PCDH11X: variants seen among roughly 807,000 people sequenced by gnomAD.
PCDH11X encodes protocadherin 11 X-linked.
A neutral mutation model predicts 53.3 loss-of-function variants in PCDH11X; 18 were observed. The observed-to-expected ratio is 0.34, with a 90% CI of 0.23 to 0.50. The LOEUF is 0.50. PCDH11X is among the 20% of genes least tolerant of loss of function. The pLI is 0.98. For missense variants in PCDH11X, 570 were observed against 1,032.4 expected (o/e 0.55, Z 6.14); for synonymous variants, 279 against 393.3 (o/e 0.71, Z 3.44).
At chrX:92,385,429 A>G (rs4893176) in intron 8 of PCDH11X, among the ~76,000 whole-genome samples, 21,166 of 105,024 alleles carry the variant, frequency 0.2, 1,571 homozygotes, top group Non-Finnish European at 0.23. Flanking sequence ...CAGTTACATT[A>G]TTTCCCTGAT....
At chrX:92,416,235 ATGAG>A (rs753265058) in intron 9 of PCDH11X, among the ~76,000 whole-genome samples, 6 of 110,732 alleles carry the variant, frequency 5.4e-5, no homozygotes, top group Non-Finnish European at 1.9e-5. Context: ...AATAGAAAGA[ATGAG>A]TAAGACCTAC....
intron 10 of PCDH11X, among the ~76,000 whole-genome samples, chrX:92,575,149 T>C (rs1215334575): frequency 9.0e-6 from 1 of 110,668 alleles, no homozygotes; most frequent in Non-Finnish European, 1.9e-5. Flanking sequence ...TTACTTAAAT[T>C]TGGGCATATG....
chrX:92,552,994 CGTGTGTGTGTGTGTGT>C (rs57655496), intron 10 of PCDH11X, among the ~76,000 whole-genome samples: 5 of 88,903 alleles, frequency 5.6e-5, no homozygotes, highest in East Asian at 3.7e-4. Context: ...CTGCAATTTT[CGTGTGTGTGTGTGTGT>C]GTGTGTGTGT....
chrX:92,122,597 G>A (rs1270452618), intron 6 of PCDH11X, among the ~76,000 whole-genome samples: 1 of 111,807 alleles, frequency 8.9e-6, no homozygotes, highest in Non-Finnish European at 1.9e-5. Flanking sequence ...AAGAATGAAG[G>A]CCAAGTGATA....
chrX:92,249,872 A>T (rs1340609505), intron 7 of PCDH11X, among the ~76,000 whole-genome samples: 2 of 111,386 alleles, frequency 1.8e-5, no homozygotes, highest in Non-Finnish European at 1.9e-5. Context: ...AAATACTCCT[A>T]ATTTCCTTAG....
intron 9 of PCDH11X, among the ~76,000 whole-genome samples, chrX:92,397,479 T>C (rs1055872186): frequency 3.6e-5 from 4 of 110,038 alleles, no homozygotes; most frequent in Non-Finnish European, 7.6e-5. Context: ...TTTTTTTTTT[T>C]TGGGTGGGGG....
At chrX:91,996,008 T>C (rs2062413192) in intron 6 of PCDH11X, among the ~76,000 whole-genome samples, 1 of 106,347 alleles carries the variant, frequency 9.4e-6, no homozygotes, top group Non-Finnish European at 1.9e-5. Context: ...GCCTGGCTAA[T>C]TTTTTGTATT....
At chrX:92,559,617 G>A (rs1382071350) in intron 10 of PCDH11X, among the ~76,000 whole-genome samples, 1 of 111,331 alleles carries the variant, frequency 9.0e-6, no homozygotes. Flanking sequence ...GAGGTCTTGT[G>A]GTGCAGAAAG....
intron 9 of PCDH11X, among the ~76,000 whole-genome samples, chrX:92,439,493 A>G (rs1460439131): frequency 1.8e-5 from 2 of 110,820 alleles, no homozygotes; most frequent in Non-Finnish European, 3.8e-5. Flanking sequence ...CAGCTTGCAT[A>G]TAGTACTAAA....
At chrX:91,940,362 A>T (rs1316625234) in intron 6 of PCDH11X, among the ~76,000 whole-genome samples, 1 of 111,636 alleles carries the variant, frequency 9.0e-6, no homozygotes, top group Non-Finnish European at 1.9e-5. Context: ...ACTGTATTAT[A>T]AAATAACTTA....
intron 6 of PCDH11X, among the ~76,000 whole-genome samples, chrX:92,094,870 A>C (rs2064109773): frequency 8.9e-6 from 1 of 112,101 alleles, no homozygotes; most frequent in Non-Finnish European, 1.9e-5. Flanking sequence ...GAGGTTTAGA[A>C]AAACATTAAC....
rs778036525 is a variant in PCDH11X, at chrX:92,031,882, A to C, written c.3033+152609A>C. 4.5e-5 allele frequency among the ~76,000 whole-genome samples: 5 copies of C among 111,798 alleles called. No homozygotes were observed. In the East Asian group the frequency reaches 1.1e-3, roughly 25 times the overall value. On this transcript the variant is annotated intron_variant, in intron 6 of 10. Coordinates refer to ENST00000682573, the MANE Select transcript of PCDH11X (RefSeq NM_032968.5). Reference sequence around the variant, plus strand: ...GTCAGTGCATGCCATTTTTGTTACTATAGCTCTGTAGTAAAATTTAAAGTC... The same window carrying C: ...GTCAGTGCATGCCATTTTTGTTACTCTAGCTCTGTAGTAAAATTTAAAGTC...
chrX:91,788,759 A>G (rs1935413480), intron 1 of PCDH11X, among the ~76,000 whole-genome samples: 1 of 111,646 alleles, frequency 9.0e-6, no homozygotes, highest in Non-Finnish European at 1.9e-5. Context: ...AGAGGGGAGG[A>G]GAAAGGAAAT....
chrX:92,314,240 T>C (rs773226669), intron 8 of PCDH11X, among the ~76,000 whole-genome samples: 23 of 111,988 alleles, frequency 2.1e-4, no homozygotes, highest in Non-Finnish European at 4.1e-4. Flanking sequence ...TTTTAAACTG[T>C]TTTGTTAAAA....
At chrX:91,959,148 G>A (rs2061750420) in intron 6 of PCDH11X, among the ~76,000 whole-genome samples, 1 of 106,142 alleles carries the variant, frequency 9.4e-6, no homozygotes, top group South Asian at 4.2e-4. Flanking sequence ...TATTTTTGGG[G>A]TATTTTTTAA....
At chrX:92,212,800 G>T (rs897343346) in intron 7 of PCDH11X, among the ~76,000 whole-genome samples, 2 of 112,193 alleles carry the variant, frequency 1.8e-5, no homozygotes, top group Non-Finnish European at 3.8e-5. Flanking sequence ...ATACTTTTAA[G>T]ATACTCACAC....
chrX:91,899,562 T>C (rs2147781857), intron 6 of PCDH11X, among the ~76,000 whole-genome samples: 1 of 102,333 alleles, frequency 9.8e-6, no homozygotes, highest in East Asian at 3.1e-4. Context: ...CTTGAACCCA[T>C]ATACATCTCC....
At chrX:92,229,021 C>A (rs978670125) in intron 7 of PCDH11X, among the ~76,000 whole-genome samples, 1 of 111,749 alleles carries the variant, frequency 8.9e-6, no homozygotes, top group Non-Finnish European at 1.9e-5. Context: ...AAAAGATTCA[C>A]ATTAAAAATC....
At chrX:92,464,918 G>A (rs1168368116) in intron 9 of PCDH11X, among the ~76,000 whole-genome samples, 3 of 111,546 alleles carry the variant, frequency 2.7e-5, no homozygotes, top group Non-Finnish European at 5.6e-5. Context: ...GCCATATCCT[G>A]TGACCTGCAG....
Sources: gnomAD v4.1 joint callset for allele counts (sites outside exome capture counted in the v4.1 genomes callset) on GRCh38, gnomAD v4.1.1 for gene constraint, MANE v1.5 for transcripts, NCBI Gene and HGNC (gene_info 2026-07-23, HGNC 2026-07-21) for gene names.